Variants in SLFN12L observed in about 807,000 individuals in gnomAD.
The protein encoded by SLFN12L is schlafen family member 12-like.
A neutral mutation model predicts 34.8 loss-of-function variants in SLFN12L; 34 were observed. That is an observed-to-expected ratio of 0.98 (90% CI 0.74 to 1.30). The LOEUF (loss-of-function observed/expected upper bound fraction) is 1.30. Ranked by LOEUF, SLFN12L falls within the 50% of genes most tolerant of loss-of-function variation. The pLI, the probability that SLFN12L is intolerant of heterozygous loss-of-function variation, is 0.00. For missense variants in SLFN12L, 703 were observed against 696.2 expected (o/e 1.01, Z -0.11); for synonymous variants, 259 against 247.5 (o/e 1.05, Z -0.44).
At position 35,474,688 on chromosome 17, in the gene SLFN12L, G is replaced by GGA. The variant is rs1555538091; in HGVS notation, c.*234_*235insTC. On this transcript the variant is annotated 3_prime_UTR_variant, in exon 5 of 5. Transcript: ENST00000628453. ...TGTACTCCTAGCACTTTGGGAGACC[G>GGA]GGGGGGGGGGTTGAATCACGAGGTC... 1.6e-5 allele frequency: 2 copies of GGA among 126,470 alleles called. No homozygotes were observed. Among genetic ancestry groups the GGA allele is most frequent in the Non-Finnish European group, 3.1e-5 (2 of 64,270 alleles). The allele number at this position is 126,470 out of a possible 1,614,324, so 7.8% of individuals were successfully genotyped here.
At chr17:35,502,801 T>G (rs2142152042) in intron 2 of SLFN12L, among the ~76,000 whole-genome samples, 1 of 152,240 alleles carries the variant, frequency 6.6e-6, no homozygotes, top group Admixed American at 6.5e-5. Flanking sequence ...ATAAAGGAAG[T>G]TTGCTTTGGA....
chr17:35,522,193 T>G, intron 2 of SLFN12L, 86 bp downstream of exon 2: 6 of 1,543,132 alleles, frequency 3.9e-6, no homozygotes, highest in Non-Finnish European at 4.4e-6. Flanking sequence ...ATTTTACCAC[T>G]TAATTTTCAA....
chr17:35,515,889 G>A (rs1009975848), intron 2 of SLFN12L, among the ~76,000 whole-genome samples: 1 of 151,784 alleles, frequency 6.6e-6, no homozygotes, highest in East Asian at 1.9e-4. Context: ...TGATCTACCC[G>A]CCTCTGCCTC....
chr17:35,492,604 A>T (rs1298724599), intron 2 of SLFN12L, among the ~76,000 whole-genome samples: 1 of 152,204 alleles, frequency 6.6e-6, no homozygotes, highest in Non-Finnish European at 1.5e-5. Flanking sequence ...AAGTTGGACC[A>T]AGGGAAGTTG....
Position 35,479,423 on chromosome 17 carries a change from T to A in SLFN12L, c.859A>T (p.Lys287Ter). Residue 287 changes from lysine (K) to a stop codon, truncating the protein, a stop_gained, in exon 3 of 5, where the codon AAA (lysine) becomes TAA (stop). Transcript: ENST00000628453. LOFTEE classifies it high-confidence loss of function. Reference protein sequence around the residue: ...GYLFVGLNEDKEVIGFKAEKS... With the variant: ...GYLFVGLNED The stretch of plus-strand genomic sequence containing the variant: ...TCTGCTTTAAAGCCAATTACTTCTT[T>A]ATCTTCATTTAGACCAACGAATAAA... 4 of 1,614,054 alleles carry A rather than the reference T, an allele frequency of 2.5e-6. No individual in the cohort carries two copies. Among genetic ancestry groups the A allele is most frequent in the Non-Finnish European group, 3.4e-6 (4 of 1,179,954 alleles).
chr17:35,536,808 C>CAAAA (rs567836499), intron 1 of SLFN12L, among the ~76,000 whole-genome samples: 1 of 128,508 alleles, frequency 7.8e-6, no homozygotes, highest in African/African-American at 2.9e-5. Flanking sequence ...GAGCCTGTCT[C>CAAAA]AAAAAAAAAA....
intron 2 of SLFN12L, among the ~76,000 whole-genome samples, chr17:35,501,126 C>T (rs964578653): frequency 1.3e-5 from 2 of 152,208 alleles, no homozygotes; most frequent in African/African-American, 4.8e-5. Context: ...TCTAGGCAGC[C>T]CCTTAGGCAG....
chr17:35,504,463 C>T (rs953214989), intron 2 of SLFN12L, among the ~76,000 whole-genome samples: 6 of 152,194 alleles, frequency 3.9e-5, no homozygotes, highest in African/African-American at 7.2e-5. Context: ...GATGCAAATG[C>T]CTGGTTGAAA....
intron 2 of SLFN12L, chr17:35,498,942 C>T (rs1597856881): frequency 1.4e-6 from 1 of 723,644 alleles, no homozygotes; most frequent in African/African-American, 1.7e-5. Flanking sequence ...GGAGGTCTTA[C>T]AGGAGCGCAT....
At chr17:35,535,454 C>T (rs375785676) in intron 1 of SLFN12L, among the ~76,000 whole-genome samples, 97 of 151,454 alleles carry the variant, frequency 6.4e-4, no homozygotes, top group African/African-American at 2.3e-3. Flanking sequence ...ACCTCAGGCT[C>T]CCAAAGTGCT....
chr17:35,519,194 AG>A (rs1458202139), intron 2 of SLFN12L, among the ~76,000 whole-genome samples: 1 of 152,096 alleles, frequency 6.6e-6, no homozygotes, highest in African/African-American at 2.4e-5. Context: ...GTCAGAGGGT[AG>A]GGGGGCAAGG....
intron 1 of SLFN12L, among the ~76,000 whole-genome samples, chr17:35,532,104 A>G (rs1206012690): frequency 1.3e-5 from 2 of 152,250 alleles, no homozygotes; most frequent in Non-Finnish European, 2.9e-5. Context: ...ATTTGGTTCC[A>G]TCAAAATATG....
At chr17:35,490,503 C>A in intron 2 of SLFN12L, 1 of 925,518 alleles carries the variant, frequency 1.1e-6, no homozygotes, top group Non-Finnish European at 1.8e-6. Context: ...TGAAAGGCAT[C>A]CATCTCATTA....
At chr17:35,514,710 A>G in intron 2 of SLFN12L, 2 of 377,820 alleles carry the variant, frequency 5.3e-6, no homozygotes, top group South Asian at 2.1e-5. Context: ...TCAACTACCA[A>G]GTTAAGACTT....
intron 2 of SLFN12L, among the ~76,000 whole-genome samples, chr17:35,509,118 G>C (rs912661136): frequency 6.6e-6 from 1 of 152,210 alleles, no homozygotes; most frequent in African/African-American, 2.4e-5. Flanking sequence ...TGTGATGACA[G>C]TGTCTTATAT....
chr17:35,522,928 T>A lies in SLFN12L; in HGVS notation c.-564A>T. 2 of 606,438 alleles carry A rather than the reference T, an allele frequency of 3.3e-6. No individual in the cohort carries two copies. Among genetic ancestry groups the A allele is most frequent in the Non-Finnish European group, 5.9e-6 (2 of 338,132 alleles). The allele number at this position is 606,438 out of a possible 1,614,324, so 37.6% of individuals were successfully genotyped here. ...CCTTCATTCTGTGAGGACAGCTCCTTCCAGAGGGATTCCAGAGTACATCGC... is the reference window on the plus strand; with the variant it reads ...CCTTCATTCTGTGAGGACAGCTCCTACCAGAGGGATTCCAGAGTACATCGC... On this transcript the variant is annotated 5_prime_UTR_variant, in exon 2 of 5. Transcript: ENST00000628453.
chr17:35,482,220 C>T (rs1914371038), intron 2 of SLFN12L, among the ~76,000 whole-genome samples: 1 of 152,246 alleles, frequency 6.6e-6, no homozygotes, highest in Admixed American at 6.5e-5. Flanking sequence ...TGTTTGCATC[C>T]TCTCAAAATT....
Position 35,464,631 on chromosome 17 carries a change from G to T in SLFN12L, c.*10292C>A, listed in dbSNP as rs1321146418. On this transcript the variant is annotated 3_prime_UTR_variant, in exon 5 of 5. Transcript: ENST00000628453. ...TTTTTATGGCTGTGTAGTAGCCCAT[G>T]GTGTATATGTACCACATTTTCTTTA... is the stretch of plus-strand genomic sequence containing the variant. 1 of 152,028 alleles carries T rather than the reference G, an allele frequency of 6.6e-6. No homozygotes were observed. The allele number at this position is 152,028 out of a possible 1,614,324, so 9.4% of individuals were successfully genotyped here.
chr17:35,527,471 G>A (rs765658650), intron 1 of SLFN12L, among the ~76,000 whole-genome samples: 7 of 152,004 alleles, frequency 4.6e-5, no homozygotes, highest in African/African-American at 1.2e-4. Context: ...CTGGCAAACC[G>A]AATCCAGCAG....
Sources: allele counts gnomAD v4.1 joint callset (sites outside exome capture counted in the v4.1 genomes callset), GRCh38; gene constraint gnomAD v4.1.1; transcripts MANE v1.5; gene names NCBI Gene and HGNC (gene_info 2026-07-23, HGNC 2026-07-21).